DLGAP1: variants seen among roughly 807,000 people sequenced by gnomAD.
DLGAP1 encodes the protein disks large-associated protein 1.
DLGAP1 carries 11 observed loss-of-function variants against 90.8 expected under a neutral mutation model. The ratio of observed to expected loss-of-function variants is 0.12; its 90% CI spans 0.08 to 0.20. The LOEUF (loss-of-function observed/expected upper bound fraction) is 0.20. DLGAP1 is among the 10% of genes least tolerant of loss of function. The pLI, the probability that DLGAP1 is intolerant of heterozygous loss-of-function variation, is 1.00. For missense variants in DLGAP1, 1,050 were observed against 1,333.8 expected (o/e 0.79, Z 3.31); for synonymous variants, 558 against 540.7 (o/e 1.03, Z -0.44).
rs963874218 is a variant in DLGAP1 at position 3,711,092 on chromosome 18, C to A, written c.1591+18043G>T. The stretch of plus-strand genomic sequence containing the variant: ...GAGGAAGTCAGAGAGCCAGGAGGGG[C>A]CGCCCTGGGCAAGGTCTGGCAGAGA... On this transcript the variant is annotated intron_variant, in intron 7 of 12. Transcript: ENST00000315677. The surrounding 1 kb of genome is among the most constrained non-coding windows in gnomAD (Gnocchi z 4.0). Among the ~76,000 whole-genome samples, 12 of 152,318 alleles carry A rather than the reference C, an allele frequency of 7.9e-5. No homozygotes were observed. Among genetic ancestry groups the A allele is most frequent in the South Asian group, 2.1e-4 (1 of 4,820 alleles).
chr18:3,597,050 G>A (rs755613262), intron 7 of DLGAP1: 1 of 519,866 alleles, frequency 1.9e-6, no homozygotes, highest in Non-Finnish European at 3.8e-6. Context: ...CTTTTCCTGT[G>A]CAGCTGTTTT....
intron 7 of DLGAP1, among the ~76,000 whole-genome samples, chr18:3,665,568 T>C (rs2059849360): frequency 6.6e-6 from 1 of 152,228 alleles, no homozygotes; most frequent in Admixed American, 6.5e-5. Flanking sequence ...TTCCATTTCA[T>C]AAATTTAAAA....
chr18:3,860,839 G>T (rs1039224231), intron 4 of DLGAP1, among the ~76,000 whole-genome samples: 4 of 152,182 alleles, frequency 2.6e-5, no homozygotes, highest in Non-Finnish European at 4.4e-5. Context: ...AAAATGCTAA[G>T]AGAAATCTCT....
intron 5 of DLGAP1, among the ~76,000 whole-genome samples, chr18:3,764,165 T>C (rs144693402): frequency 6.6e-6 from 1 of 152,340 alleles, no homozygotes; most frequent in East Asian, 1.9e-4. Flanking sequence ...TACGAAGTAT[T>C]ATTATACCTA....
chr18:4,453,362 C>T lies in DLGAP1; in HGVS notation c.-267+1644G>A, dbSNP rs934798644. ...TTTCCTTTTAAAAACTTAAAGAAAA[C>T]TTTATATTCTTCTGGCATGAAATAA... On this transcript the variant is annotated intron_variant, in intron 1 of 12. Transcript: ENST00000315677. Among the ~76,000 whole-genome samples the T allele has an allele frequency of 5.7e-5, 8 of 141,504 alleles. No individual in the cohort carries two copies. In the East Asian group the frequency reaches 1.2e-3, roughly 22 times the overall value. The allele number at this position is 141,504 out of a possible 152,430, so 92.8% of individuals were successfully genotyped here.
intron 2 of DLGAP1, among the ~76,000 whole-genome samples, chr18:4,132,257 AT>A (rs771571699): frequency 3.3e-5 from 5 of 152,172 alleles, no homozygotes; most frequent in Non-Finnish European, 7.4e-5. Flanking sequence ...ACTTTTATAT[AT>A]CATTTAGTGA....
chr18:4,292,941 T>C (rs2079887139), intron 1 of DLGAP1, among the ~76,000 whole-genome samples: 2 of 152,224 alleles, frequency 1.3e-5, no homozygotes, highest in African/African-American at 4.8e-5. Flanking sequence ...GAAGATCCAT[T>C]ATAGTTCTCT....
At chr18:3,979,091 T>C (rs979546563) in intron 3 of DLGAP1, among the ~76,000 whole-genome samples, 2 of 152,238 alleles carry the variant, frequency 1.3e-5, no homozygotes, top group African/African-American at 4.8e-5. Context: ...ACAACATGGA[T>C]GAACTTGGAT....
chr18:4,254,326 G>C (rs887995906), intron 1 of DLGAP1, among the ~76,000 whole-genome samples: 7 of 152,190 alleles, frequency 4.6e-5, no homozygotes, highest in Admixed American at 1.3e-4. Context: ...GTTGATTAGA[G>C]ATGGACCAAC....
intron 3 of DLGAP1, among the ~76,000 whole-genome samples, chr18:3,994,185 C>T (rs1165550281): frequency 1.3e-5 from 2 of 152,078 alleles, no homozygotes; most frequent in Non-Finnish European, 2.9e-5. Context: ...GCTGGGGTGC[C>T]GAGGGTGGGG....
chr18:3,816,662 C>T (rs2067120462), intron 4 of DLGAP1, among the ~76,000 whole-genome samples: 1 of 152,158 alleles, frequency 6.6e-6, no homozygotes, highest in South Asian at 2.1e-4. Flanking sequence ...ATTTGATCCA[C>T]ACAGCGGAGG....
chr18:3,634,270 AAATT>A (rs979983787), intron 7 of DLGAP1, among the ~76,000 whole-genome samples: 237 of 152,296 alleles, frequency 1.6e-3, no homozygotes, highest in African/African-American at 5.4e-3. Context: ...GAAAAAAATC[AAATT>A]AATTAAAAGG....
intron 5 of DLGAP1, among the ~76,000 whole-genome samples, chr18:3,805,781 G>C (rs1286694810): frequency 1.3e-5 from 2 of 152,186 alleles, no homozygotes; most frequent in East Asian, 3.8e-4. Context: ...AATTATCAAA[G>C]GTCTCAGAGG....
chr18:4,130,822 G>T (rs1172051204), intron 2 of DLGAP1, among the ~76,000 whole-genome samples: 1 of 152,100 alleles, frequency 6.6e-6, no homozygotes, highest in Non-Finnish European at 1.5e-5. Flanking sequence ...TTTAATGGAG[G>T]ACAGAGGAGG....
chr18:4,413,721 T>C (rs956262689), intron 1 of DLGAP1, among the ~76,000 whole-genome samples: 9 of 152,132 alleles, frequency 5.9e-5, no homozygotes, highest in Non-Finnish European at 8.8e-5. Flanking sequence ...GTTTCCTTTG[T>C]AGGAAGGCAG....
intron 1 of DLGAP1, among the ~76,000 whole-genome samples, chr18:4,225,254 T>C (rs2145003373): frequency 1.3e-5 from 2 of 152,210 alleles, no homozygotes; most frequent in Non-Finnish European, 2.9e-5. Context: ...TTAATGCAGT[T>C]ATGGTTGCAG....
chr18:4,011,175 C>CAAAAAAAAAAAAAAAAAAAAAAAAAAA (rs35493947), intron 2 of DLGAP1, among the ~76,000 whole-genome samples: 1 of 97,232 alleles, frequency 1.0e-5, no homozygotes, highest in Non-Finnish European at 2.1e-5. Context: ...GATTCCGCCT[C>CAAAAAAAAAAAAAAAAAAAAAAAAAAA]AAAAAAAAAA....
Position 3,803,957 on chromosome 18 carries a change from CATATATATATATATATATATATATAT to C in DLGAP1, c.1172+10076_1172+10101del, listed in dbSNP as rs33952757. On this transcript the variant is annotated intron_variant, in intron 5 of 12. Transcript: ENST00000315677. Reference sequence around the variant, plus strand: ...TTCTCTTCATTGGTTTATGTAGGTTCATATATATATATATATATATATATATATATATATATATATATATATAATTT... The same window carrying C: ...TTCTCTTCATTGGTTTATGTAGGTTCATATATATATATATATATATAATTT... Among the ~76,000 whole-genome samples the C allele has an allele frequency of 3.5e-3, 295 of 84,000 alleles. 6 individuals are homozygous for C. Among genetic ancestry groups the C allele is most frequent in the East Asian group, 0.025 (89 of 3,548 alleles). 55.1% of individuals were successfully genotyped at this position (84,000 alleles called of 152,430 possible). A position where few individuals can be genotyped will look rare whatever the true frequency, so the allele number is the denominator to read the frequency against.
chr18:3,832,108 C>A (rs922570264), intron 4 of DLGAP1, among the ~76,000 whole-genome samples: 2 of 152,174 alleles, frequency 1.3e-5, no homozygotes, highest in Non-Finnish European at 2.9e-5. Context: ...AAATGATTAC[C>A]TTTGCATATA....
Sources: gnomAD v4.1 joint callset for allele counts (sites outside exome capture counted in the v4.1 genomes callset) on GRCh38, gnomAD v4.1.1 for gene constraint, Gnocchi (gnomAD v3.1) non-coding constraint, MANE v1.5 for transcripts, NCBI Gene and HGNC (gene_info 2026-07-23, HGNC 2026-07-21) for gene names.